Variants in ZNF57 observed in about 807,000 individuals in gnomAD.
ZNF57 encodes zinc finger protein 424.
A neutral mutation model predicts 13.4 loss-of-function variants in ZNF57; 11 were observed. The observed-to-expected ratio is 0.82, with a 90% CI of 0.52 to 1.36. ZNF57 has a LOEUF of 1.36. Among genes scored for constraint, ZNF57 ranks in the 40% most tolerant of loss-of-function variants. The probability of loss-of-function intolerance (pLI) is 0.00; values close to 1 mark genes in which losing one functional copy is unlikely to be tolerated. For synonymous variants in ZNF57, 224 were observed against 238.5 expected (o/e 0.94, Z 0.56); for missense variants, 696 against 667.5 (o/e 1.04, Z -0.47).
chr19:2,913,610 G>A (rs1271547189), intron 1 of ZNF57, among the ~76,000 whole-genome samples: 1 of 151,484 alleles, frequency 6.6e-6, no homozygotes, highest in Non-Finnish European at 1.5e-5. Context: ...TTCTGTATTA[G>A]TTTCAGATTT....
Position 2,901,771 on chromosome 19 carries a change from C to T in ZNF57, c.3+723C>T, listed in dbSNP as rs531254787. 2.0e-5 allele frequency among the ~76,000 whole-genome samples: 3 copies of T among 152,282 alleles called. No individual in the cohort carries two copies. In the South Asian group the frequency reaches 6.2e-4, roughly 32 times the overall value. Reference sequence around the variant, plus strand: ...TGACCTTGTGATCCGCCCGCCTCGGCCTCCCAAAGTGCTGGGATTACAGGC... The same window carrying T: ...TGACCTTGTGATCCGCCCGCCTCGGTCTCCCAAAGTGCTGGGATTACAGGC... On this transcript the variant is annotated intron_variant, in intron 1 of 3. Transcript: ENST00000306908.
intron 1 of ZNF57, among the ~76,000 whole-genome samples, chr19:2,913,024 G>A (rs1426958453): frequency 6.6e-6 from 1 of 152,160 alleles, no homozygotes; most frequent in Non-Finnish European, 1.5e-5. Context: ...TGCGATCTCG[G>A]CTCACTGCAA....
intron 1 of ZNF57, among the ~76,000 whole-genome samples, chr19:2,905,294 A>G (rs999435148): frequency 6.6e-6 from 1 of 150,662 alleles, no homozygotes; most frequent in Non-Finnish European, 1.5e-5. Context: ...CCTCCCGAGT[A>G]GCTGAGATTA....
At position 2,917,493 on chromosome 19, in the gene ZNF57, AC is replaced by A; in HGVS notation, c.877del (p.Gln293ArgfsTer35). ...CAGCACTGTGGGAAAGCCTTCACTT[AC>A]CCCCAGGCTTTTCAAAGACATGAGA... ...KCQHCGKAFTYPQAFQRHEKT... is the reference protein window; with the variant it reads ...KCQHCGKAFTXPQAFQRHEKT... On this transcript the variant is annotated frameshift_variant, in exon 4 of 4. Transcript: ENST00000306908. LOFTEE classifies it low-confidence loss of function (END_TRUNC). 1 of 1,612,628 alleles carries A rather than the reference AC, an allele frequency of 6.2e-7. No homozygotes were observed. The highest frequency in any genetic ancestry group is 8.5e-7 in the Non-Finnish European group (1 of 1,179,454).
intron 3 of ZNF57, chr19:2,916,468 T>G (rs1250738047): frequency 2.3e-5 from 9 of 394,478 alleles, no homozygotes; most frequent in Non-Finnish European, 3.6e-5. Flanking sequence ...ATCCCAGCAC[T>G]TTGGGAGGCT....
intron 1 of ZNF57, among the ~76,000 whole-genome samples, chr19:2,911,242 T>A (rs919835459): frequency 6.6e-6 from 1 of 151,940 alleles, no homozygotes; most frequent in Non-Finnish European, 1.5e-5. Context: ...TTTTAAAAAC[T>A]TTTTGTGGCC....
chr19:2,913,199 A>C lies in ZNF57; in HGVS notation c.4-2323A>C, dbSNP rs1024290150. On this transcript the variant is annotated intron_variant, in intron 1 of 3. Coordinates refer to ENST00000306908, the MANE Select transcript of ZNF57 (RefSeq NM_173480.3). Reference sequence around the variant, plus strand: ...AAACTGCTGACCTTGTGATCCACCCACCTCTAAAGTGCTGAGATGACAGGT... The same window carrying C: ...AAACTGCTGACCTTGTGATCCACCCCCCTCTAAAGTGCTGAGATGACAGGT... 3.3e-5 allele frequency among the ~76,000 whole-genome samples: 5 copies of C among 152,256 alleles called. No homozygotes were observed. In the South Asian group the frequency reaches 6.2e-4, roughly 19 times the overall value.
intron 1 of ZNF57, among the ~76,000 whole-genome samples, chr19:2,908,215 A>G (rs2144923418): frequency 6.6e-6 from 1 of 152,330 alleles, no homozygotes; most frequent in South Asian, 2.1e-4. Context: ...TTTTATGTGC[A>G]TAATTCTTAG....
chr19:2,915,817 A>G (rs746603413), intron 2 of ZNF57, 169 bp downstream of exon 2: 3 of 1,167,990 alleles, frequency 2.6e-6, no homozygotes, highest in African/African-American at 1.5e-5. Flanking sequence ...TGTGTGAAAC[A>G]GATGTTATTT....
intron 1 of ZNF57, among the ~76,000 whole-genome samples, chr19:2,913,017 G>GATCTCGGCTCACTGCA (rs1342046049): frequency 6.6e-5 from 10 of 152,118 alleles, no homozygotes; most frequent in Non-Finnish European, 1.3e-4. Flanking sequence ...GCAATGGTGC[G>GATCTCGGCTCACTGCA]ATCTCGGCTC....
rs762239341 is a variant in ZNF57, at chr19:2,917,725, A to G, written c.1104A>G (p.Gln368=). ...HTGEKPYECK[Q]CGKAFTWSST... The stretch of plus-strand genomic sequence containing the variant: ...GAGAGAAACCTTATGAGTGTAAACA[A>G]TGTGGGAAAGCCTTCACTTGGTCCT... The change falls in exon 4 of 4, where the codon CAA becomes CAG. Residue 368 remains glutamine, a synonymous_variant. Coordinates refer to ENST00000306908, the MANE Select transcript of ZNF57 (RefSeq NM_173480.3). The G allele has an allele frequency of 5.6e-6, 9 of 1,613,420 alleles. No homozygotes were observed. The highest frequency in any genetic ancestry group is 2.2e-5 in the South Asian group (2 of 91,046).
chr19:2,908,869 A>G (rs2088102555), intron 1 of ZNF57, among the ~76,000 whole-genome samples: 1 of 151,318 alleles, frequency 6.6e-6, no homozygotes. Context: ...GTCTCTAGAG[A>G]TTTGGCTGTT....
At position 2,909,541 on chromosome 19, in the gene ZNF57, G is replaced by C. The variant is rs1394888350; in HGVS notation, c.4-5981G>C. 6.2e-5 allele frequency among the ~76,000 whole-genome samples: 3 copies of C among 48,298 alleles called. 1 individual carries two copies. The highest frequency in any genetic ancestry group is 2.0e-4 in the Non-Finnish European group (3 of 15,012). The allele number at this position is 48,298 out of a possible 152,430, so 31.7% of individuals were successfully genotyped here. On this transcript the variant is annotated intron_variant, in intron 1 of 3. Transcript: ENST00000306908. ...CACGCCTCGGCCTCCCAAAGTGCTA[G>C]GATTACAGGCATGAGCCTCTGTGCC...
chr19:2,911,395 T>C (rs1599600742), intron 1 of ZNF57, among the ~76,000 whole-genome samples: 1 of 152,022 alleles, frequency 6.6e-6, no homozygotes, highest in East Asian at 1.9e-4. Context: ...TAGCTGGGCA[T>C]GATGGCGGGT....
intron 2 of ZNF57, 35 bp downstream of exon 2, chr19:2,915,683 A>G: frequency 1.2e-6 from 2 of 1,613,082 alleles, no homozygotes; most frequent in East Asian, 2.2e-5. Context: ...TTGGTTTTTA[A>G]TGAACTCATT....
At chr19:2,906,503 G>T (rs904376124) in intron 1 of ZNF57, among the ~76,000 whole-genome samples, 2 of 152,232 alleles carry the variant, frequency 1.3e-5, no homozygotes, top group African/African-American at 4.8e-5. Context: ...TGATTATTCT[G>T]TTGTCATTGT....
intron 1 of ZNF57, among the ~76,000 whole-genome samples, chr19:2,902,405 G>A (rs2088038069): frequency 6.6e-6 from 1 of 152,104 alleles, no homozygotes; most frequent in Admixed American, 6.6e-5. Flanking sequence ...GGTCCGTCAG[G>A]ATAACACCTG....
intron 1 of ZNF57, among the ~76,000 whole-genome samples, chr19:2,914,523 G>A (rs1441103225): frequency 1.1e-4 from 17 of 152,280 alleles, no homozygotes; most frequent in Admixed American, 1.0e-3. Context: ...CCAAAGTGCT[G>A]GGATTACAGG....
chr19:2,913,306 A>T (rs142604432), intron 1 of ZNF57, among the ~76,000 whole-genome samples: 94 of 151,688 alleles, frequency 6.2e-4, no homozygotes, highest in African/African-American at 2.1e-3. Context: ...ATTTTTCTCT[A>T]TTGTTTTACT....
Sources: gnomAD v4.1 joint callset for allele counts (sites outside exome capture counted in the v4.1 genomes callset) on GRCh38, gnomAD v4.1.1 for gene constraint, MANE v1.5 for transcripts, NCBI Gene and HGNC (gene_info 2026-07-23, HGNC 2026-07-21) for gene names.